Variants in MUC4 observed in about 807,000 individuals in gnomAD.
The protein encoded by MUC4 is mucin-4.
MUC4 carries 202 observed loss-of-function variants against 257.9 expected under a neutral mutation model. That is an observed-to-expected ratio of 0.78 (90% CI 0.70 to 0.88). The LOEUF is 0.88. Ranked by LOEUF, MUC4 falls within the 40% of genes least tolerant of loss-of-function variation. MUC4 has a pLI of 0.00. For synonymous variants in MUC4, 2,351 were observed against 2,757.1 expected, an observed-to-expected ratio of 0.85 and a Z score of 4.62; for missense variants, 5,976 against 6,513.7, an observed-to-expected ratio of 0.92 and a Z score of 2.84.
At position 195,782,155 on chromosome 3, in the gene MUC4, G is replaced by T. The variant is rs1348096244; in HGVS notation, c.9425C>A (p.Thr3142Asn). Residue 3142 changes from threonine to asparagine, a missense_variant, in exon 2 of 25, where the codon ACT becomes AAT. Coordinates refer to ENST00000463781, the MANE Select transcript of MUC4 (RefSeq NM_018406.7). The stretch of plus-strand genomic sequence containing the variant: ...GGTGTCACCTGTGGATGCTGAGGAA[G>T]TGCTGGTGACAGGAAGAGCGGTGGC... ...GQATALPVTS[T>N]SSASTGDTTP... 9 of 1,362,868 alleles carry T rather than the reference G, an allele frequency of 6.6e-6. No homozygotes were observed. Among genetic ancestry groups the T allele is most frequent in the Non-Finnish European group, 8.6e-6 (9 of 1,040,602 alleles). 84.4% of individuals were successfully genotyped at this position (1,362,868 alleles called of 1,614,324 possible).
At position 195,746,906 on chromosome 3, in the gene MUC4, G is replaced by A. The variant is rs201257619; in HGVS notation, c.*270C>T. ...AACTCGTGTGTGTGTGTGTGTGTGT[G>A]CACGCGCGCGTGCACAGGCTAGTGT... On this transcript the variant is annotated 3_prime_UTR_variant, in exon 25 of 25. Transcript: ENST00000463781. The A allele has an allele frequency of 9.1e-6, 5 of 550,466 alleles. No individual in the cohort carries two copies. Among genetic ancestry groups the A allele is most frequent in the East Asian group, 5.8e-5 (2 of 34,236 alleles). The allele number at this position is 550,466 out of a possible 1,614,324, so 34.1% of individuals were successfully genotyped here. A position where few individuals can be genotyped will look rare whatever the true frequency, so the allele number is the denominator to read the frequency against.
At position 195,786,516 on chromosome 3, in the gene MUC4, T is replaced by G; in HGVS notation, c.5064A>C (p.Ser1688=). 2 of 1,525,952 alleles carry G rather than the reference T, an allele frequency of 1.3e-6. No homozygotes were observed. Among genetic ancestry groups the G allele is most frequent in the Non-Finnish European group, 8.8e-7 (1 of 1,131,720 alleles). 94.5% of individuals were successfully genotyped at this position (1,525,952 alleles called of 1,614,324 possible). Residue 1688 remains serine (S), a synonymous_variant, in exon 2 of 25, where the codon TCA becomes TCC. Coordinates refer to ENST00000463781, the MANE Select transcript of MUC4 (RefSeq NM_018406.7). The part of the protein sequence containing the change: ...ATPLPVTGLS[S]ATTDDTTRLP... ...GACGGGTGGTGTCATCTGTGGTAGC[T>G]GAGGAAAGGCCGGTGACAGGAAGAG...
chr3:195,784,469 C>G lies in MUC4; in HGVS notation c.7111G>C (p.Val2371Leu), dbSNP rs1730302989. The G allele has an allele frequency of 6.5e-7, 1 of 1,543,050 alleles. No individual in the cohort carries two copies. Among genetic ancestry groups the G allele is most frequent in the South Asian group, 1.2e-5 (1 of 83,284 alleles). ...GAGGATGCTGAGGAAGAGCTGGTGA[C>G]AGGAAGAGGGGTGGTGTCACCTGTG... The part of the protein sequence containing the change: ...VSTGDTTPLP[V>L]TSSSSASSGH... The change falls in exon 2 of 25, where the codon GTC (valine) becomes CTC (leucine). Residue 2371 changes from valine to leucine, a missense_variant. Physicochemically the swap from Val to Leu is conservative, Grantham distance 32 (BLOSUM62 1). Coordinates refer to ENST00000463781, the MANE Select transcript of MUC4 (RefSeq NM_018406.7).
rs199791027 is a variant in MUC4, at chr3:195,757,179, G to T, written c.15136C>A (p.Gln5046Lys). 1.2e-5 allele frequency: 19 copies of T among 1,607,394 alleles called. 1 individual carries two copies. In the African/African-American group the frequency reaches 2.5e-4, roughly 21 times the overall value. ...CNAESQCLYN[Q>K]TSRVGNSSLE... is the part of the protein sequence containing the mutation. ...GAGGAGTTGCCCACCCTGCTGGTCT[G>T]ATTGTACAAACACTGGCTCTCTGCA... The change falls in exon 18 of 25, where the codon CAG becomes AAG. Residue 5046 changes from glutamine to lysine, a missense_variant. Gln to Lys is a moderately conservative substitution (Grantham distance 53). Coordinates refer to ENST00000463781, the MANE Select transcript of MUC4 (RefSeq NM_018406.7). The surrounding 1 kb of genome is among the most constrained non-coding windows in gnomAD (Gnocchi z 4.8).
rs562083981 is a variant in MUC4 at position 195,747,223 on chromosome 3, C to T, written c.16192G>A (p.Gly5398Arg). 2.6e-4 allele frequency: 421 copies of T among 1,614,226 alleles called. 3 individuals are homozygous for T. The South Asian group carries it at 4.1e-3, about 16-fold the overall frequency. ...TTCAGGAAATAGGAGAACCTGGCCC[C>T]GGAGCAACCCCAGAAGCGCAGGACC... ...FVVLRFWGCS[G>R]ARFSYFLNSA... Residue 5398 changes from glycine (G) to arginine (R), a missense_variant, in exon 25 of 25, where the codon GGG becomes AGG. Gly to Arg is a moderately radical substitution (Grantham distance 125, BLOSUM62 -2). Coordinates refer to ENST00000463781, the MANE Select transcript of MUC4 (RefSeq NM_018406.7).
intron 21 of MUC4, 51 bp from the exon 22 acceptor site, chr3:195,751,322 G>A (rs1363121607): frequency 7.2e-6 from 10 of 1,390,622 alleles, no homozygotes; most frequent in Admixed American, 1.9e-5. Flanking sequence ...CATCCGGGGG[G>A]GAGACGCCCT....
intron 18 of MUC4, among the ~76,000 whole-genome samples, chr3:195,756,210 T>A (rs977586100): frequency 2.0e-5 from 3 of 152,178 alleles, no homozygotes; most frequent in African/African-American, 7.2e-5. Flanking sequence ...CAGACAGGAC[T>A]GTAAGCGGCC....
At chr3:195,760,834 T>G in intron 16 of MUC4, 50 bp downstream of exon 16, 1 of 1,506,504 alleles carries the variant, frequency 6.6e-7, no homozygotes, top group South Asian at 1.1e-5. Context: ...GGGCAGCTCC[T>G]CATCTGCTCC....
At position 195,751,044 on chromosome 3, in the gene MUC4, C is replaced by A. The variant is rs755439689; in HGVS notation, c.15716G>T (p.Arg5239Leu). ...GAAGTCAATGACCGGGCCCCGAGGGCGGTACTGGAACTCCGAGATGACCAT... is the reference window on the plus strand; with the variant it reads ...GAAGTCAATGACCGGGCCCCGAGGGAGGTACTGGAACTCCGAGATGACCAT... ...HWMVISEFQY[R>L]PRGPVIDFLN... The change falls in exon 23 of 25, where the codon CGC (arginine) becomes CTC (leucine). Residue 5239 changes from arginine to leucine, a missense_variant. Arg to Leu is a moderately radical substitution (Grantham distance 102). This residue lies in a region of MUC4 where 310 missense variants were observed against 242.1 expected (regional missense o/e 1.28). Transcript: ENST00000463781. 3 of 1,609,992 alleles carry A rather than the reference C, an allele frequency of 1.9e-6. No individual in the cohort carries two copies. Among genetic ancestry groups the A allele is most frequent in the Non-Finnish European group, 2.5e-6 (3 of 1,178,414 alleles).
In MUC4 at chr3:195,772,405, TCC is replaced by T. The variant is rs1723128572; in HGVS notation, c.13078-591_13078-590del. On this transcript the variant is annotated intron_variant, in intron 4 of 24. Transcript: ENST00000463781. The stretch of plus-strand genomic sequence containing the variant: ...TCATCGCTCAGGGGTGTAGACACCC[TCC>T]CTTCATCGCTCAGGGGTGTAGACAC... Among the ~76,000 whole-genome samples the T allele has an allele frequency of 1.2e-4, 15 of 124,254 alleles. 1 individual carries two copies. The highest frequency in any genetic ancestry group is 4.9e-4 in the African/African-American group (15 of 30,600). 81.5% of individuals were successfully genotyped at this position (124,254 alleles called of 152,430 possible).
Position 195,782,655 on chromosome 3 carries a change from G to T in MUC4, c.8925C>A (p.Thr2975=), listed in dbSNP as rs1385343753. 3 of 1,321,922 alleles carry T rather than the reference G, an allele frequency of 2.3e-6. No individual in the cohort carries two copies. In the South Asian group the frequency reaches 3.9e-5, roughly 17 times the overall value. The allele number at this position is 1,321,922 out of a possible 1,614,324, so 81.9% of individuals were successfully genotyped here. A position where few individuals can be genotyped will look rare whatever the true frequency, so the allele number is the denominator to read the frequency against. ...AGGAAGTGTCGGTGTCAGGAAGAGG[G>T]GTGGCGTGACCTGTGGATGCTGAGG... ...DTSSASTGHA[T]PLPDTDTSSA... Residue 2975 remains threonine, a synonymous_variant, in exon 2 of 25, where the codon ACC becomes ACA. Coordinates refer to ENST00000463781, the MANE Select transcript of MUC4 (RefSeq NM_018406.7).
intron 1 of MUC4, among the ~76,000 whole-genome samples, chr3:195,800,503 T>C (rs1039858888): frequency 9.2e-5 from 14 of 152,204 alleles, no homozygotes; most frequent in African/African-American, 3.4e-4. Context: ...GAGGAAGAGA[T>C]TAGCATTCGT....
chr3:195,762,823 G>C (rs1219512325), intron 13 of MUC4, 32 bp downstream of exon 13: 9 of 1,479,270 alleles, frequency 6.1e-6, no homozygotes, highest in Non-Finnish European at 8.2e-6. Flanking sequence ...CTCCCGGTGC[G>C]GGGAGGGGGC....
rs754571162 is a variant in MUC4 at position 195,788,686 on chromosome 3, G to C, written c.2894C>G (p.Thr965Ser). The change falls in exon 2 of 25, where the codon ACC (threonine) becomes AGC (serine). Residue 965 changes from threonine (T) to serine (S), a missense_variant. Coordinates refer to ENST00000463781, the MANE Select transcript of MUC4 (RefSeq NM_018406.7). ...HTLSPSGSGK[T>S]FTTALISNAT... is the part of the protein sequence containing the mutation. Reference sequence around the variant, plus strand: ...GTTGCTGATGAGGGCCGTGGTGAAGGTTTTACCAGACCCTGAAGGTGACAG... The same window carrying C: ...GTTGCTGATGAGGGCCGTGGTGAAGCTTTTACCAGACCCTGAAGGTGACAG... The C allele has an allele frequency of 6.2e-7, 1 of 1,602,706 alleles. No individual in the cohort carries two copies. Among genetic ancestry groups the C allele is most frequent in the Admixed American group, 1.7e-5 (1 of 59,432 alleles).
In MUC4 at chr3:195,782,611, G is replaced by T; in HGVS notation, c.8969C>A (p.Ala2990Asp). The T allele has an allele frequency of 3.3e-6, 3 of 911,050 alleles. No individual in the cohort carries two copies. Among genetic ancestry groups the T allele is most frequent in the East Asian group, 9.0e-5 (2 of 22,208 alleles). 56.4% of individuals were successfully genotyped at this position (911,050 alleles called of 1,614,324 possible). The change falls in exon 2 of 25, where the codon GCC becomes GAC. Residue 2990 changes from alanine to aspartate, a missense_variant. This residue lies in a region of MUC4 where 68 missense variants were observed against 50.2 expected (regional missense o/e 1.35). Coordinates refer to ENST00000463781, the MANE Select transcript of MUC4 (RefSeq NM_018406.7). ...TDTSSASTGHATLLPVTDTSS... is the reference protein window; with the variant it reads ...TDTSSASTGHDTLLPVTDTSS... The stretch of plus-strand genomic sequence containing the variant: ...AGTGTCGGTGACAGGAAGAAGGGTG[G>T]CGTGACCTGTGGATGCTGAGGAAGT...
chr3:195,788,371 A>C lies in MUC4; in HGVS notation c.3209T>G (p.Val1070Gly), dbSNP rs375027751. Reference protein sequence around the residue: ...TDTSSASTGHVTPLPVTSLSS... With the variant: ...TDTSSASTGHGTPLPVTSLSS... ...AAGGCTGGTGACAGGAAGAGGGGTG[A>C]CGTGACCTGTGGATGCTGAGGAAGT... Residue 1070 changes from valine to glycine, a missense_variant, in exon 2 of 25, where the codon GTC becomes GGC. Around this residue, in one of 44 missense-constraint regions of MUC4, gnomAD observed 68 missense variants for 90.4 expected, o/e 0.75. Coordinates refer to ENST00000463781, the MANE Select transcript of MUC4 (RefSeq NM_018406.7). 1 of 1,277,460 alleles carries C rather than the reference A, an allele frequency of 7.8e-7. No homozygotes were observed. The highest frequency in any genetic ancestry group is 2.8e-4 in the Middle Eastern group (1 of 3,632). The allele number at this position is 1,277,460 out of a possible 1,614,324, so 79.1% of individuals were successfully genotyped here.
At chr3:195,775,010 A>T (rs1487969328) in intron 3 of MUC4, among the ~76,000 whole-genome samples, 3 of 152,038 alleles carry the variant, frequency 2.0e-5, no homozygotes, top group Non-Finnish European at 2.9e-5. Flanking sequence ...TCTCCAGATA[A>T]ACTTGAAGAC....
At chr3:195,777,647 A>T (rs1578171977) in intron 3 of MUC4, among the ~76,000 whole-genome samples, 3 of 96,602 alleles carry the variant, frequency 3.1e-5, no homozygotes, top group African/African-American at 5.7e-5. Context: ...TTCCACAGTC[A>T]TACCTTCCAC....
rs774846745 is a variant in MUC4, at chr3:195,789,054, C to G, written c.2526G>C (p.Gln842His). The change falls in exon 2 of 25, where the codon CAG becomes CAC. Residue 842 changes from glutamine to histidine, a missense_variant. Gln to His is a conservative substitution (Grantham distance 24). Around this residue, in one of 44 missense-constraint regions of MUC4, gnomAD observed 1,583 missense variants for 1,257.4 expected, o/e 1.26. Transcript: ENST00000463781. Reference protein sequence around the residue: ...SNPSRDSHTTQSTTELLSASA... With the variant: ...SNPSRDSHTTHSTTELLSASA... ...AGGCGGACAGCAATTCGGTTGTTGA[C>G]TGGGTTGTGTGACTGTCCCTGGAGG... is the stretch of plus-strand genomic sequence containing the variant. 3 of 1,613,732 alleles carry G rather than the reference C, an allele frequency of 1.9e-6. No homozygotes were observed. The highest frequency in any genetic ancestry group is 2.5e-6 in the Non-Finnish European group (3 of 1,179,794).
Sources: allele counts gnomAD v4.1 joint callset (sites outside exome capture counted in the v4.1 genomes callset), GRCh38; gene constraint gnomAD v4.1.1; regional missense constraint gnomAD v4.1.1; non-coding constraint Gnocchi (gnomAD v3.1); transcripts MANE v1.5; gene names NCBI Gene and HGNC (gene_info 2026-07-23, HGNC 2026-07-21).